Variants in PICALM observed in about 807,000 individuals in gnomAD.
The protein encoded by PICALM is phosphatidylinositol-binding clathrin assembly protein.
PICALM carries 40 observed loss-of-function variants against 80.5 expected under a neutral mutation model. The observed-to-expected ratio is 0.50, with a 90% CI of 0.39 to 0.65. PICALM has a LOEUF of 0.65. PICALM is among the 30% of genes least tolerant of loss of function. The pLI, the probability that PICALM is intolerant of heterozygous loss-of-function variation, is 0.00. For synonymous variants in PICALM, 288 were observed against 260.3 expected (o/e 1.11, Z -1.02); for missense variants, 676 against 778.9 (o/e 0.87, Z 1.57).
chr11:86,069,361 A>G (rs1324351770), upstream of PICALM: 1 of 156,548 alleles, frequency 6.4e-6, no homozygotes, highest in Admixed American at 6.5e-5. Context: ...CCGCGGGGTC[A>G]CAGACGCCGG....
At chr11:86,065,798 TTCAG>T (rs758521132) in intron 1 of PICALM, among the ~76,000 whole-genome samples, 9 of 152,342 alleles carry the variant, frequency 5.9e-5, no homozygotes, top group Middle Eastern at 3.4e-3. Flanking sequence ...AAAATCTTTC[TTCAG>T]TAAGTATATA....
At chr11:86,063,933 T>C (rs924203485) in intron 1 of PICALM, among the ~76,000 whole-genome samples, 1 of 152,024 alleles carries the variant, frequency 6.6e-6, no homozygotes, top group African/African-American at 2.4e-5. Flanking sequence ...CTGGGACAGA[T>C]CTTCTACTTT....
chr11:86,008,278 C>T lies in PICALM; in HGVS notation c.766-695G>A, dbSNP rs768784446. ...TGTGTTTCATTTTCTAATCAGTCTCCCTTCCTTTTGTGACCTCTCAGGGGC... is the reference window on the plus strand; with the variant it reads ...TGTGTTTCATTTTCTAATCAGTCTCTCTTCCTTTTGTGACCTCTCAGGGGC... On this transcript the variant is annotated intron_variant, in intron 7 of 19. Coordinates refer to ENST00000393346, the MANE Select transcript of PICALM (RefSeq NM_007166.4). Among the ~76,000 whole-genome samples the T allele has an allele frequency of 4.6e-5, 7 of 152,104 alleles. No individual in the cohort carries two copies. The South Asian group carries it at 6.2e-4, about 14-fold the overall frequency.
chr11:86,048,932 T>C (rs1376851207), intron 1 of PICALM, among the ~76,000 whole-genome samples: 1 of 151,454 alleles, frequency 6.6e-6, no homozygotes, highest in Non-Finnish European at 1.5e-5. Context: ...AATGTACAAA[T>C]GGGAATAAGG....
Position 85,975,312 on chromosome 11 carries a change from G to A in PICALM, c.1840-500C>T, listed in dbSNP as rs1319579189. 2.0e-5 allele frequency among the ~76,000 whole-genome samples: 3 copies of A among 152,180 alleles called. No individual in the cohort carries two copies. In the East Asian group the frequency reaches 5.8e-4, roughly 29 times the overall value. Reference sequence around the variant, plus strand: ...TTTATTTCATATAAGAATCAAGAAAGAGCTTAAACTACAAACCAGAGGTTA... The same window carrying A: ...TTTATTTCATATAAGAATCAAGAAAAAGCTTAAACTACAAACCAGAGGTTA... On this transcript the variant is annotated intron_variant, in intron 18 of 19. Transcript: ENST00000393346.
At chr11:85,980,870 T>C (rs576682168) in intron 17 of PICALM, among the ~76,000 whole-genome samples, 1 of 152,298 alleles carries the variant, frequency 6.6e-6, no homozygotes, top group South Asian at 2.1e-4. Flanking sequence ...AACACATTAA[T>C]AGGAGGATTA....
chr11:86,043,659 A>G (rs2096015097), intron 1 of PICALM, among the ~76,000 whole-genome samples: 1 of 152,180 alleles, frequency 6.6e-6, no homozygotes, highest in African/African-American at 2.4e-5. Context: ...GACAGCATAA[A>G]TATTTGTGGA....
intron 17 of PICALM, chr11:85,978,087 T>A (rs2094335451): frequency 4.3e-6 from 7 of 1,613,026 alleles, no homozygotes; most frequent in Non-Finnish European, 5.9e-6. Context: ...GGAAAATGCA[T>A]GCCATTCTGT....
chr11:86,053,052 C>T (rs373440319), intron 1 of PICALM, among the ~76,000 whole-genome samples: 1 of 152,198 alleles, frequency 6.6e-6, no homozygotes, highest in Non-Finnish European at 1.5e-5. Flanking sequence ...ATCATTTGAT[C>T]TGTACTTATC....
At chr11:85,988,790 A>G (rs2094666766) in intron 13 of PICALM, among the ~76,000 whole-genome samples, 1 of 152,222 alleles carries the variant, frequency 6.6e-6, no homozygotes, top group Non-Finnish European at 1.5e-5. Flanking sequence ...ACAACTTGCT[A>G]AAAAAAGAAC....
intron 19 of PICALM, among the ~76,000 whole-genome samples, chr11:85,960,252 C>G (rs538701087): frequency 2.6e-5 from 4 of 152,232 alleles, no homozygotes; most frequent in Admixed American, 6.5e-5. Context: ...AATCAGAAGA[C>G]TATAAACTCC....
chr11:86,045,519 C>CA (rs71040207), intron 1 of PICALM, among the ~76,000 whole-genome samples: 2,525 of 47,730 alleles, frequency 0.053, 390 homozygotes, highest in African/African-American at 0.092. Context: ...TCTTGAAATT[C>CA]AAAAAAAAAA....
chr11:86,031,855 GTA>G (rs1174468525), intron 1 of PICALM, among the ~76,000 whole-genome samples: 2 of 152,096 alleles, frequency 1.3e-5, no homozygotes, highest in East Asian at 3.8e-4. Context: ...CTCCCTCAGG[GTA>G]TAATTCTCTC....
chr11:85,965,802 ATTTTGTTTTTTTGTTTTT>A (rs2093860666), intron 19 of PICALM, among the ~76,000 whole-genome samples: 3 of 105,758 alleles, frequency 2.8e-5, no homozygotes, highest in African/African-American at 7.3e-5. Flanking sequence ...TGCATTACCC[ATTTTGTTTTTTTGTTTTT>A]TTTTTTTTTT....
chr11:86,001,485 C>T (rs1208231631), intron 9 of PICALM, among the ~76,000 whole-genome samples: 1 of 152,178 alleles, frequency 6.6e-6, no homozygotes, highest in African/African-American at 2.4e-5. Flanking sequence ...CCCACATAAT[C>T]CCACAAAATC....
At chr11:86,028,284 GA>G (rs1427370569) in intron 2 of PICALM, among the ~76,000 whole-genome samples, 1 of 152,160 alleles carries the variant, frequency 6.6e-6, no homozygotes, top group East Asian at 1.9e-4. Flanking sequence ...GCGGTAACCT[GA>G]AATGGATTAT....
At chr11:86,035,849 G>T (rs761680526) in intron 1 of PICALM, among the ~76,000 whole-genome samples, 12 of 150,988 alleles carry the variant, frequency 7.9e-5, no homozygotes, top group Non-Finnish European at 1.8e-4. Flanking sequence ...TTAGGAGGCT[G>T]AGGCAGCAGA....
chr11:86,057,421 C>T (rs2096286113), intron 1 of PICALM, among the ~76,000 whole-genome samples: 1 of 152,062 alleles, frequency 6.6e-6, no homozygotes, highest in African/African-American at 2.4e-5. Flanking sequence ...CGCCTGTAAT[C>T]CCAGCTACCC....
intron 18 of PICALM, among the ~76,000 whole-genome samples, chr11:85,975,967 A>G (rs72951256): frequency 1.3e-5 from 2 of 152,298 alleles, no homozygotes; most frequent in Non-Finnish European, 2.9e-5. Context: ...AAAAGGAGTT[A>G]CTTCCATATC....
Sources: allele counts gnomAD v4.1 joint callset (sites outside exome capture counted in the v4.1 genomes callset), GRCh38; gene constraint gnomAD v4.1.1; transcripts MANE v1.5; gene names NCBI Gene and HGNC (gene_info 2026-07-23, HGNC 2026-07-21).